Variants in DGKB observed in about 807,000 individuals in gnomAD.
DGKB encodes the protein diacylglycerol kinase beta, also known as 90 kDa diacylglycerol kinase.
A neutral mutation model predicts 114.3 loss-of-function variants in DGKB; 67 were observed. The observed-to-expected ratio is 0.59, with a 90% CI of 0.48 to 0.72. The LOEUF is 0.72. Among genes scored for constraint, DGKB ranks in the 30% least tolerant of loss-of-function variants. DGKB has a pLI of 0.00. For synonymous variants in DGKB, 398 were observed against 323.1 expected (o/e 1.23, Z -2.49); for missense variants, 907 against 975.2 (o/e 0.93, Z 0.93).
chr7:14,660,607 C>CT (rs1816847834), intron 13 of DGKB, among the ~76,000 whole-genome samples: 1 of 151,906 alleles, frequency 6.6e-6, no homozygotes, highest in African/African-American at 2.4e-5. Context: ...ATTCTTCTCT[C>CT]TTTTTTTCTT....
chr7:14,869,922 A>C (rs217557), intron 1 of DGKB, among the ~76,000 whole-genome samples: 138,319 of 152,048 alleles, frequency 0.91, 63,382 homozygotes, highest in Non-Finnish European at 0.96. Flanking sequence ...AATTTAAATA[A>C]TGTTTTATAA....
At position 14,683,139 on chromosome 7, in the gene DGKB, A is replaced by T. The variant is rs1309281334; in HGVS notation, c.830-298T>A. ...TTCACAATAATTCCCAGATGACAAA[A>T]ATATTAAAGACAAATTGATGACTGC... is the stretch of plus-strand genomic sequence containing the variant. On this transcript the variant is annotated intron_variant, in intron 10 of 25. Transcript: ENST00000402815. 2.0e-5 allele frequency among the ~76,000 whole-genome samples: 3 copies of T among 152,192 alleles called. No individual in the cohort carries two copies. In the South Asian group the frequency reaches 6.2e-4, roughly 31 times the overall value.
At chr7:14,879,415 T>C (rs565980020) in intron 1 of DGKB, among the ~76,000 whole-genome samples, 2 of 152,276 alleles carry the variant, frequency 1.3e-5, no homozygotes, top group South Asian at 4.2e-4. Context: ...TCTTTAAATA[T>C]AAAAAAACAC....
chr7:14,883,387 A>C (rs1292430517), intron 1 of DGKB, among the ~76,000 whole-genome samples: 1 of 152,026 alleles, frequency 6.6e-6, no homozygotes, highest in Non-Finnish European at 1.5e-5. Flanking sequence ...TGTTTGATTA[A>C]ATGACTATCA....
intron 20 of DGKB, among the ~76,000 whole-genome samples, chr7:14,560,312 C>T (rs533086187): frequency 1.3e-3 from 197 of 152,048 alleles, no homozygotes; most frequent in Non-Finnish European, 2.1e-3. Context: ...AGAGTTTATC[C>T]CTCTAGCTTT....
intron 21 of DGKB, among the ~76,000 whole-genome samples, chr7:14,353,856 C>A (rs1813954737): frequency 6.6e-6 from 1 of 152,166 alleles, no homozygotes; most frequent in South Asian, 2.1e-4. Flanking sequence ...ATGCAGATAT[C>A]ACTGAATATG....
chr7:14,451,954 A>C (rs946089807), intron 21 of DGKB, among the ~76,000 whole-genome samples: 12 of 152,096 alleles, frequency 7.9e-5, no homozygotes, highest in African/African-American at 2.9e-4. Context: ...GCTTGTATTA[A>C]AGTTGTTATT....
intron 21 of DGKB, among the ~76,000 whole-genome samples, chr7:14,457,665 G>C (rs1424535110): frequency 2.0e-5 from 3 of 152,138 alleles, no homozygotes; most frequent in Non-Finnish European, 1.5e-5. Flanking sequence ...TCCCTTCCAC[G>C]TGAGATTAAA....
At position 14,468,681 on chromosome 7, in the gene DGKB, C is replaced by T. The variant is rs76581863; in HGVS notation, c.1835+9480G>A. ...GAAAGTTTGCGTGTAGGCATACAAG[C>T]TACAACAATGAGTAGAAATTTTTTC... is the stretch of plus-strand genomic sequence containing the variant. On this transcript the variant is annotated intron_variant, in intron 21 of 25. Transcript: ENST00000402815. Among the ~76,000 whole-genome samples, 802 of 149,752 alleles carry T rather than the reference C, an allele frequency of 5.4e-3. 7 individuals are homozygous for T. The highest frequency in any genetic ancestry group is 0.017 in the Middle Eastern group (5 of 292).
chr7:14,218,730 G>A (rs559179887), intron 23 of DGKB, among the ~76,000 whole-genome samples: 27 of 151,386 alleles, frequency 1.8e-4, no homozygotes, highest in African/African-American at 4.8e-4. Flanking sequence ...CCGGGACAGA[G>A]TTTTTTTTTA....
chr7:14,859,708 C>T lies in DGKB; in HGVS notation c.-187-18258G>A, dbSNP rs190508808. 5.8e-4 allele frequency among the ~76,000 whole-genome samples: 88 copies of T among 152,200 alleles called. No homozygotes were observed. In the East Asian group the frequency reaches 0.013, roughly 23 times the overall value. Reference sequence around the variant, plus strand: ...CATTATCTTGATGCAACATTTACTTCGGAACTTTAATTATGAAACTTACCT... The same window carrying T: ...CATTATCTTGATGCAACATTTACTTTGGAACTTTAATTATGAAACTTACCT... On this transcript the variant is annotated intron_variant, in intron 1 of 25. Transcript: ENST00000402815.
At chr7:14,435,087 C>G (rs561559986) in intron 21 of DGKB, among the ~76,000 whole-genome samples, 2 of 152,212 alleles carry the variant, frequency 1.3e-5, no homozygotes, top group African/African-American at 2.4e-5. Context: ...CCTTATTTTG[C>G]TTAATATTAA....
chr7:14,169,927 G>A (rs887135023), intron 25 of DGKB, among the ~76,000 whole-genome samples: 1 of 151,904 alleles, frequency 6.6e-6, no homozygotes, highest in South Asian at 2.1e-4. Flanking sequence ...CTGAGGTTGG[G>A]AGTTCAAGAC....
chr7:14,864,218 C>T (rs1265048343), intron 1 of DGKB, among the ~76,000 whole-genome samples: 1 of 151,384 alleles, frequency 6.6e-6, no homozygotes, highest in Non-Finnish European at 1.5e-5. Flanking sequence ...ATAATAGTTT[C>T]GTACAGATAA....
At chr7:14,519,181 T>C (rs1006041623) in intron 20 of DGKB, among the ~76,000 whole-genome samples, 5 of 152,126 alleles carry the variant, frequency 3.3e-5, no homozygotes, top group Admixed American at 3.3e-4. Context: ...TGTGTAACTA[T>C]ACCAAAATTC....
chr7:14,878,995 T>C (rs148289895), intron 1 of DGKB, among the ~76,000 whole-genome samples: 3 of 151,982 alleles, frequency 2.0e-5, no homozygotes, highest in African/African-American at 7.3e-5. Context: ...TATAGCTCTA[T>C]AAATTGTTAT....
At chr7:14,564,653 CT>C (rs1156678680) in intron 20 of DGKB, among the ~76,000 whole-genome samples, 4 of 152,106 alleles carry the variant, frequency 2.6e-5, no homozygotes, top group African/African-American at 9.7e-5. Flanking sequence ...ACTATATAGT[CT>C]TTATAGATGC....
intron 1 of DGKB, among the ~76,000 whole-genome samples, chr7:14,960,595 G>A (rs1207566871): frequency 6.6e-6 from 1 of 151,984 alleles, no homozygotes; most frequent in Non-Finnish European, 1.5e-5. Flanking sequence ...TGTAATTTGA[G>A]AAAAATTTAT....
At chr7:14,697,131 T>TA (rs1319116910) in intron 8 of DGKB, among the ~76,000 whole-genome samples, 1 of 152,230 alleles carries the variant, frequency 6.6e-6, no homozygotes, top group African/African-American at 2.4e-5. Context: ...AAGTATATTT[T>TA]AATATGTATT....
Sources: allele counts gnomAD v4.1 joint callset (sites outside exome capture counted in the v4.1 genomes callset), GRCh38; gene constraint gnomAD v4.1.1; transcripts MANE v1.5; gene names NCBI Gene and HGNC (gene_info 2026-07-23, HGNC 2026-07-21).